Variants in PPP1R1B observed in about 807,000 individuals in gnomAD.
The protein encoded by PPP1R1B is protein phosphatase 1 regulatory inhibitor subunit 1B.
In PPP1R1B, 13 loss-of-function variants were observed where a neutral mutation model predicts 28.2. That is an observed-to-expected ratio of 0.46 (90% CI 0.30 to 0.73). PPP1R1B has a LOEUF of 0.73. Ranked by LOEUF, PPP1R1B falls within the 30% of genes least tolerant of loss-of-function variation. The probability of loss-of-function intolerance (pLI) is 0.07; values close to 1 mark genes in which losing one functional copy is unlikely to be tolerated. For missense variants in PPP1R1B, 236 were observed against 256.7 expected (o/e 0.92, Z 0.55); for synonymous variants, 102 against 97.5 (o/e 1.05, Z -0.27).
At chr17:39,633,286 G>A (rs1364906706) in intron 4 of PPP1R1B, 2 of 157,732 alleles carry the variant, frequency 1.3e-5, no homozygotes, top group African/African-American at 2.4e-5. Context: ...AGACTATTAT[G>A]TCCTCAGCCT....
At chr17:39,628,550 G>C (rs2144834527) in intron 1 of PPP1R1B, 2 of 985,742 alleles carry the variant, frequency 2.0e-6, no homozygotes, top group African/African-American at 3.5e-5. Context: ...TACAGAGACT[G>C]GAAAAGAAGC....
intron 1 of PPP1R1B, 68 bp from the exon 2 acceptor site, chr17:39,629,102 C>A (rs2056857034): frequency 6.7e-7 from 1 of 1,494,252 alleles, no homozygotes; most frequent in Non-Finnish European, 9.3e-7. Context: ...ACTGTTTGTT[C>A]CCTGCTGCCT....
rs927978671 is a variant in PPP1R1B at position 39,628,943 on chromosome 17, CTTG to C, written c.82-222_82-220del. Reference sequence around the variant, plus strand: ...ACTGGGGTTTTTCTCGTCCTTTGGACTTGTTGTGCTGTGTGGCCTTAAGCACAT... The same window carrying C: ...ACTGGGGTTTTTCTCGTCCTTTGGACTTGTGCTGTGTGGCCTTAAGCACAT... On this transcript the variant is annotated intron_variant, in intron 1 of 6. Coordinates refer to ENST00000254079, the MANE Select transcript of PPP1R1B (RefSeq NM_032192.4). Among the ~76,000 whole-genome samples, 10 of 152,298 alleles carry C rather than the reference CTTG, an allele frequency of 6.6e-5. 1 individual carries two copies. Among genetic ancestry groups the C allele is most frequent in the Non-Finnish European group, 1.3e-4 (9 of 68,018 alleles).
chr17:39,632,258 C>A (rs1042260782), intron 4 of PPP1R1B: 1 of 154,388 alleles, frequency 6.5e-6, no homozygotes, highest in East Asian at 1.9e-4. Context: ...TGGGGAGACC[C>A]CAGAGAGCCC....
intron 1 of PPP1R1B, among the ~76,000 whole-genome samples, chr17:39,627,751 G>A (rs1303882448): frequency 6.6e-6 from 1 of 152,104 alleles, no homozygotes; most frequent in Non-Finnish European, 1.5e-5. Context: ...ATTCCAGACC[G>A]CCCAGGAGTG....
At position 39,636,416 on chromosome 17, in the gene PPP1R1B, C is replaced by G; in HGVS notation, c.*551C>G. ...TCTTCCCTTAATCACCCTTGCTCCT[C>G]CTGGGTGCCTGGAAGATGGACTGGC... is the stretch of plus-strand genomic sequence containing the variant. On this transcript the variant is annotated 3_prime_UTR_variant, in exon 7 of 7. Coordinates refer to ENST00000254079, the MANE Select transcript of PPP1R1B (RefSeq NM_032192.4). 1 of 153,458 alleles carries G rather than the reference C, an allele frequency of 6.5e-6. No individual in the cohort carries two copies. Among genetic ancestry groups the G allele is most frequent in the East Asian group, 1.9e-4 (1 of 5,334 alleles). 9.5% of individuals were successfully genotyped at this position (153,458 alleles called of 1,614,324 possible).
rs1181498248 is a variant in PPP1R1B at position 39,636,512 on chromosome 17, C to G, written c.*647C>G. 1 of 152,910 alleles carries G rather than the reference C, an allele frequency of 6.5e-6. No individual in the cohort carries two copies. The highest frequency in any genetic ancestry group is 1.5e-5 in the Non-Finnish European group (1 of 68,166). The allele number at this position is 152,910 out of a possible 1,614,324, so 9.5% of individuals were successfully genotyped here. A position where few individuals can be genotyped will look rare whatever the true frequency, so the allele number is the denominator to read the frequency against. ...CCTAGTTTATGTCCCCGGTGGGGCA[C>G]ACAGCGGGGGGCGCCAGGTTTTCCT... On this transcript the variant is annotated 3_prime_UTR_variant, in exon 7 of 7. Transcript: ENST00000254079.
intron 3 of PPP1R1B, 42 bp downstream of exon 3, chr17:39,629,604 C>T: frequency 6.2e-7 from 1 of 1,611,100 alleles, no homozygotes; most frequent in South Asian, 1.1e-5. Context: ...TGCCTGGGCC[C>T]CTTGGGGTGG....
At chr17:39,629,312 C>T (rs1463026250) in intron 2 of PPP1R1B, 82 bp downstream of exon 2, 1 of 1,463,568 alleles carries the variant, frequency 6.8e-7, no homozygotes, top group African/African-American at 1.4e-5. Context: ...GTCCCATGAA[C>T]AGGAGTCAAA....
At chr17:39,627,532 G>A in intron 1 of PPP1R1B, 59 bp downstream of exon 1, 1 of 1,149,350 alleles carries the variant, frequency 8.7e-7, no homozygotes, top group Non-Finnish European at 1.2e-6. Flanking sequence ...GGGCTTCTTC[G>A]CCCTCCCAAG....
At chr17:39,630,204 A>G (rs1009567131) in intron 4 of PPP1R1B, 157 bp downstream of exon 4, 54 of 671,076 alleles carry the variant, frequency 8.0e-5, no homozygotes, top group South Asian at 8.0e-4. Flanking sequence ...ATTTTTTCTC[A>G]GTCTGGCCTT....
chr17:39,629,622 G>C lies in PPP1R1B; in HGVS notation c.165+60G>C, dbSNP rs111860682. ...CTGGGCCCCTTGGGGTGGGGTGGAC[G>C]GGTGCCTGCAGTGACAACCAACCAG... On this transcript the variant is annotated intron_variant, in intron 3 of 6. Transcript: ENST00000254079. 35 of 1,588,940 alleles carry C rather than the reference G, an allele frequency of 2.2e-5. No homozygotes were observed. In the African/African-American group the frequency reaches 3.6e-4, roughly 16 times the overall value.
At chr17:39,630,332 G>A in intron 4 of PPP1R1B, 1 of 432,288 alleles carries the variant, frequency 2.3e-6, no homozygotes, top group Non-Finnish European at 4.3e-6. Flanking sequence ...CGCGTGGAAG[G>A]GACTCCACCT....
Position 39,627,144 on chromosome 17 carries a change from G to C in PPP1R1B, c.-249G>C, listed in dbSNP as rs1418376720. On this transcript the variant is annotated 5_prime_UTR_variant, in exon 1 of 7. Coordinates refer to ENST00000254079, the MANE Select transcript of PPP1R1B (RefSeq NM_032192.4). Reference sequence around the variant, plus strand: ...GGGGAGCGCGAGGGAGCGAGGCACAGACCTGGCTCAGCGAGCGCGGGGGGC... The same window carrying C: ...GGGGAGCGCGAGGGAGCGAGGCACACACCTGGCTCAGCGAGCGCGGGGGGC... 1 of 471,390 alleles carries C rather than the reference G, an allele frequency of 2.1e-6. No homozygotes were observed. Among genetic ancestry groups the C allele is most frequent in the African/African-American group, 2.1e-5 (1 of 48,120 alleles). The allele number at this position is 471,390 out of a possible 1,614,324, so 29.2% of individuals were successfully genotyped here.
rs2056860467 is a variant in PPP1R1B, at chr17:39,629,531, C to T, written c.143-9C>T. On this transcript the variant is annotated splice_polypyrimidine_tract_variant and intron_variant, in intron 2 of 6. Coordinates refer to ENST00000254079, the MANE Select transcript of PPP1R1B (RefSeq NM_032192.4). Reference sequence around the variant, plus strand: ...TTCTGGTTCGGTTGGCTTTGGTGGCCTTCCTCAGAGGAGGAAGCCTCCCCC... The same window carrying T: ...TTCTGGTTCGGTTGGCTTTGGTGGCTTTCCTCAGAGGAGGAAGCCTCCCCC... The T allele has an allele frequency of 6.2e-7, 1 of 1,613,672 alleles. No homozygotes were observed.
intron 4 of PPP1R1B, chr17:39,633,682 A>G (rs778866071): frequency 1.3e-5 from 10 of 786,946 alleles, no homozygotes; most frequent in Non-Finnish European, 1.7e-5. Context: ...ACATGATCAA[A>G]TCTACCCCTG....
chr17:39,630,090 C>G (rs1298789233), intron 4 of PPP1R1B, 43 bp downstream of exon 4: 3 of 1,576,468 alleles, frequency 1.9e-6, no homozygotes, highest in Non-Finnish European at 2.6e-6. Context: ...CGCCTGATCC[C>G]TGGAACTGGG....
chr17:39,635,434 C>T (rs1470231406), intron 5 of PPP1R1B, among the ~76,000 whole-genome samples, 173 bp from the exon 6 acceptor site: 2 of 152,112 alleles, frequency 1.3e-5, no homozygotes, highest in Non-Finnish European at 2.9e-5. Flanking sequence ...AACTGACTTA[C>T]GTAAGCCATA....
intron 1 of PPP1R1B, 26 bp downstream of exon 1, chr17:39,627,499 C>G (rs1405808337): frequency 1.4e-6 from 2 of 1,424,592 alleles, no homozygotes; most frequent in Admixed American, 4.2e-5. Flanking sequence ...CCCACCCCGG[C>G]AGCGTACCCG....
Sources: gnomAD v4.1 joint callset for allele counts (sites outside exome capture counted in the v4.1 genomes callset) on GRCh38, gnomAD v4.1.1 for gene constraint, MANE v1.5 for transcripts, NCBI Gene and HGNC (gene_info 2026-07-23, HGNC 2026-07-21) for gene names.